The following OPRK1 variants were observed in gnomAD, a reference collection of about 807,000 sequenced individuals.
The protein encoded by OPRK1 is opioid receptor kappa 1, also known as kappa-type opioid receptor.
OPRK1 carries 15 observed loss-of-function variants against 24.5 expected under a neutral mutation model. The ratio of observed to expected loss-of-function variants is 0.61; its 90% CI spans 0.41 to 0.94. The LOEUF is 0.94. Among genes scored for constraint, OPRK1 ranks in the 40% least tolerant of loss-of-function variants. The pLI is 0.00. For missense variants in OPRK1, 479 were observed against 507.3 expected (o/e 0.94, Z 0.54); for synonymous variants, 205 against 198.0 (o/e 1.04, Z -0.30).
At chr8:53,242,012 C>A (rs748283839) in intron 2 of OPRK1, among the ~76,000 whole-genome samples, 2 of 152,218 alleles carry the variant, frequency 1.3e-5, no homozygotes, top group African/African-American at 2.4e-5. Flanking sequence ...GCGCTTCTCA[C>A]GCCCAACAGC....
intron 2 of OPRK1, chr8:53,238,713 A>G: frequency 2.0e-6 from 2 of 985,478 alleles, no homozygotes; most frequent in Non-Finnish European, 2.4e-6. Context: ...TGAGGGGAAC[A>G]AAGTTATCTG....
At position 53,229,735 on chromosome 8, in the gene OPRK1, G is replaced by T; in HGVS notation, c.705C>A (p.Phe235Leu). The T allele has an allele frequency of 6.2e-7, 1 of 1,614,052 alleles. No individual in the cohort carries two copies. Among genetic ancestry groups the T allele is most frequent in the Non-Finnish European group, 8.5e-7 (1 of 1,179,988 alleles). Residue 235 changes from phenylalanine to leucine, a missense_variant, in exon 4 of 4, where the codon TTC (phenylalanine) becomes TTA (leucine). Coordinates refer to ENST00000265572, the MANE Select transcript of OPRK1 (RefSeq NM_000912.5). The part of the protein sequence containing the change: ...FMKICVFIFA[F>L]VIPVLIIIVC... ...CGATGATGATGAGGACAGGGATCAC[G>T]AAGGCAAAGATGAAGACGCAGATCT...
At chr8:53,249,317 T>G (rs1037601993) in intron 2 of OPRK1, among the ~76,000 whole-genome samples, 2 of 152,250 alleles carry the variant, frequency 1.3e-5, no homozygotes, top group African/African-American at 2.4e-5. Context: ...AAAGATCTCC[T>G]AAAATTTTTA....
At chr8:53,249,591 T>A (rs1807319601) in intron 2 of OPRK1, among the ~76,000 whole-genome samples, 3 of 152,294 alleles carry the variant, frequency 2.0e-5, no homozygotes, top group South Asian at 4.2e-4. Context: ...GTTTTTAATG[T>A]CAGAGCATAC....
intron 3 of OPRK1, among the ~76,000 whole-genome samples, chr8:53,231,363 A>G (rs1806849631): frequency 1.3e-5 from 2 of 152,316 alleles, no homozygotes; most frequent in South Asian, 4.2e-4. Flanking sequence ...ATCTGGTAGA[A>G]GAGTTTCCTT....
rs1260361132 is a variant in OPRK1 at position 53,234,872 on chromosome 8, G to A, written c.497C>T (p.Ala166Val). 1 of 1,614,196 alleles carries A rather than the reference G, an allele frequency of 6.2e-7. No homozygotes were observed. The highest frequency in any genetic ancestry group is 2.2e-5 in the East Asian group (1 of 44,878). The change falls in exon 3 of 4, where the codon GCT (alanine) becomes GTT (valine). Residue 166 changes from alanine (A) to valine (V), a missense_variant. Transcript: ENST00000265572. ...RYIAVCHPVK[A>V]LDFRTPLKAK... is the part of the protein sequence containing the mutation. Reference sequence around the variant, plus strand: ...CTTCAAGGGTGTGCGGAAGTCCAAAGCCTTCACGGGGTGGCACACGGCAAT... The same window carrying A: ...CTTCAAGGGTGTGCGGAAGTCCAAAACCTTCACGGGGTGGCACACGGCAAT...
At chr8:53,247,912 G>A (rs1209921937) in intron 2 of OPRK1, among the ~76,000 whole-genome samples, 1 of 147,368 alleles carries the variant, frequency 6.8e-6, no homozygotes, top group South Asian at 2.2e-4. Context: ...AATTGCTTGA[G>A]CCTGGGAGGC....
At chr8:53,230,683 C>T (rs1280517636) in intron 3 of OPRK1, among the ~76,000 whole-genome samples, 1 of 152,148 alleles carries the variant, frequency 6.6e-6, no homozygotes, top group African/African-American at 2.4e-5. Context: ...TGGACACCTT[C>T]TAAACTATTT....
chr8:53,239,431 T>C (rs1406459981), intron 2 of OPRK1, among the ~76,000 whole-genome samples: 2 of 152,216 alleles, frequency 1.3e-5, no homozygotes, highest in Non-Finnish European at 2.9e-5. Context: ...AGAGAGAAGC[T>C]TTCTGGCTAG....
At chr8:53,250,580 G>C (rs967300337) in intron 2 of OPRK1, among the ~76,000 whole-genome samples, 2 of 152,024 alleles carry the variant, frequency 1.3e-5, no homozygotes, top group African/African-American at 2.4e-5. Context: ...TCGCCTGTGT[G>C]AACCTCTCAG....
chr8:53,243,521 C>T (rs1265203914), intron 2 of OPRK1, among the ~76,000 whole-genome samples: 1 of 152,206 alleles, frequency 6.6e-6, no homozygotes, highest in African/African-American at 2.4e-5. Context: ...CGCATTCTCA[C>T]TTGCTCTCTT....
rs1403565087 is a variant in OPRK1, at chr8:53,226,460, A to G, written c.*2837T>C. The G allele has an allele frequency of 6.6e-6, 1 of 152,230 alleles. No homozygotes were observed. Among genetic ancestry groups the G allele is most frequent in the Non-Finnish European group, 1.5e-5 (1 of 68,050 alleles). 9.4% of individuals were successfully genotyped at this position (152,230 alleles called of 1,614,324 possible). On this transcript the variant is annotated 3_prime_UTR_variant, in exon 4 of 4. Transcript: ENST00000265572. ...AGGGTGGAAAGAATAGGGTTCATGT[A>G]GAGAATGGATCTGAAGGTTAAACAC...
intron 2 of OPRK1, among the ~76,000 whole-genome samples, chr8:53,235,649 C>T (rs571935864): frequency 8.2e-4 from 125 of 152,198 alleles, no homozygotes; most frequent in African/African-American, 3.0e-3. Flanking sequence ...TTTTTGTTCT[C>T]CAGTGCACCA....
intron 2 of OPRK1, among the ~76,000 whole-genome samples, chr8:53,239,267 C>T (rs892046127): frequency 6.6e-6 from 1 of 152,188 alleles, no homozygotes; most frequent in Non-Finnish European, 1.5e-5. Context: ...AATATACAGA[C>T]CCTGGCTCTG....
intron 3 of OPRK1, among the ~76,000 whole-genome samples, chr8:53,234,287 TTGATTTTGAATGGCC>T (rs1806934301): frequency 6.6e-6 from 1 of 152,036 alleles, no homozygotes; most frequent in Non-Finnish European, 1.5e-5. Context: ...ATCCGTTAAC[TTGATTTTGAATGGCC>T]TACAGCCAAA....
intron 3 of OPRK1, among the ~76,000 whole-genome samples, chr8:53,232,179 TA>T (rs144568787): frequency 8.1e-4 from 118 of 145,160 alleles, no homozygotes; most frequent in East Asian, 7.9e-4. Flanking sequence ...TTTGGGAGGT[TA>T]AAAAAAAAAA....
At chr8:53,250,574 C>T (rs1353103719) in intron 2 of OPRK1, among the ~76,000 whole-genome samples, 1 of 152,168 alleles carries the variant, frequency 6.6e-6, no homozygotes, top group Non-Finnish European at 1.5e-5. Context: ...TCGGATTCGC[C>T]TGTGTGAACC....
At position 53,251,109 on chromosome 8, in the gene OPRK1, G is replaced by A. The variant is rs9282806; in HGVS notation, c.-48-24C>T. ...CGCTGCGGGAGCGAAAGAACCGGCT[G>A]GACGCGGAGAGGCAAACTTTGCCCG... is the stretch of plus-strand genomic sequence containing the variant. On this transcript the variant is annotated intron_variant, in intron 1 of 3. Transcript: ENST00000265572. 5.2e-3 allele frequency: 7,429 copies of A among 1,417,366 alleles called. 322 individuals carry two copies. In the African/African-American group the frequency reaches 0.097, roughly 18 times the overall value. The allele number at this position is 1,417,366 out of a possible 1,614,324, so 87.8% of individuals were successfully genotyped here.
intron 3 of OPRK1, among the ~76,000 whole-genome samples, chr8:53,230,465 G>T (rs1486896535): frequency 6.6e-6 from 1 of 152,158 alleles, no homozygotes; most frequent in Non-Finnish European, 1.5e-5. Flanking sequence ...TTTGGAGGAG[G>T]TGGGGGAGAA....
Sources: gnomAD v4.1 joint callset for allele counts (sites outside exome capture counted in the v4.1 genomes callset) on GRCh38, gnomAD v4.1.1 for gene constraint, MANE v1.5 for transcripts, NCBI Gene and HGNC (gene_info 2026-07-23, HGNC 2026-07-21) for gene names.